ASIC2: variants seen among roughly 807,000 people sequenced by gnomAD.
The protein encoded by ASIC2 is acid sensing ion channel subunit 2.
Under a neutral mutation model 57.3 loss-of-function variants are expected in ASIC2, and 25 were observed. That is an observed-to-expected ratio of 0.44 (90% CI 0.32 to 0.61). ASIC2 has a LOEUF of 0.61. ASIC2 is among the 20% of genes least tolerant of loss of function. The pLI, the probability that ASIC2 is intolerant of heterozygous loss-of-function variation, is 0.06. For missense variants in ASIC2, 641 were observed against 738.1 expected (o/e 0.87, Z 1.52); for synonymous variants, 319 against 307.5 (o/e 1.04, Z -0.39).
intron 1 of ASIC2, among the ~76,000 whole-genome samples, chr17:33,626,140 G>C (rs1253342955): frequency 6.6e-6 from 1 of 152,146 alleles, no homozygotes; most frequent in African/African-American, 2.4e-5. Flanking sequence ...GCACTGGATG[G>C]TCACTTCTAG....
intron 1 of ASIC2, among the ~76,000 whole-genome samples, chr17:33,663,692 G>T (rs943371354): frequency 1.3e-5 from 2 of 152,156 alleles, no homozygotes; most frequent in Admixed American, 6.5e-5. Flanking sequence ...AGCAGTGGGG[G>T]TATGGGGACA....
rs1914165545 is a variant in ASIC2 at position 33,503,632 on chromosome 17, C to T, written c.556-391565G>A. ...TTACCTTCTCCCTCTCCTCCTCCTCCTCCAAATCAAAACCTCTTGGAGCTC... is the reference window on the plus strand; with the variant it reads ...TTACCTTCTCCCTCTCCTCCTCCTCTTCCAAATCAAAACCTCTTGGAGCTC... On this transcript the variant is annotated intron_variant, in intron 1 of 9. Transcript: ENST00000359872. Among the ~76,000 whole-genome samples the T allele has an allele frequency of 2.6e-5, 4 of 152,160 alleles. No individual in the cohort carries two copies. In the South Asian group the frequency reaches 8.3e-4, roughly 32 times the overall value.
intron 1 of ASIC2, among the ~76,000 whole-genome samples, chr17:33,810,828 C>G (rs1224268192): frequency 1.3e-5 from 2 of 151,944 alleles, no homozygotes; most frequent in East Asian, 3.9e-4. Context: ...CTTAATAGGT[C>G]CCATTCTGGA....
At chr17:33,661,973 T>C (rs1907283290) in intron 1 of ASIC2, among the ~76,000 whole-genome samples, 1 of 152,102 alleles carries the variant, frequency 6.6e-6, no homozygotes, top group South Asian at 2.1e-4. Flanking sequence ...CTACTTTCCT[T>C]CTCCCAGCAA....
chr17:33,297,195 G>T (rs1905752835), upstream of ASIC2, among the ~76,000 whole-genome samples: 1 of 152,210 alleles, frequency 6.6e-6, no homozygotes, highest in Non-Finnish European at 1.5e-5. Context: ...TCTTCTCCAG[G>T]CTAAATGTCA....
chr17:34,023,110 C>G (rs1274017813), intron 1 of ASIC2, among the ~76,000 whole-genome samples: 1 of 152,090 alleles, frequency 6.6e-6, no homozygotes, highest in Admixed American at 6.5e-5. Flanking sequence ...GTCAATTAAA[C>G]CTCTTTTCTT....
intron 1 of ASIC2, among the ~76,000 whole-genome samples, chr17:33,181,303 TATA>T (rs1468254971): frequency 1.3e-5 from 2 of 152,216 alleles, no homozygotes; most frequent in African/African-American, 2.4e-5. Context: ...CAAAAGTGTT[TATA>T]ATAATAAACA....
chr17:33,963,100 G>T (rs150432837), intron 1 of ASIC2, among the ~76,000 whole-genome samples: 2 of 152,306 alleles, frequency 1.3e-5, no homozygotes, highest in Non-Finnish European at 2.9e-5. Flanking sequence ...GAGATCTAGA[G>T]AGGTGTACAG....
At chr17:33,957,672 G>A (rs1463994039) in intron 1 of ASIC2, among the ~76,000 whole-genome samples, 4 of 152,106 alleles carry the variant, frequency 2.6e-5, no homozygotes, top group African/African-American at 9.7e-5. Flanking sequence ...CATGACACGT[G>A]GGGATTATGG....
intron 2 of ASIC2, among the ~76,000 whole-genome samples, chr17:33,102,715 G>A (rs1452100394): frequency 3.9e-5 from 6 of 152,014 alleles, no homozygotes; most frequent in East Asian, 1.9e-4. Flanking sequence ...GATGTTCTCA[G>A]TTCCAATCCT....
intron 1 of ASIC2, among the ~76,000 whole-genome samples, chr17:33,338,621 C>T (rs1174751595): frequency 6.6e-6 from 1 of 151,872 alleles, no homozygotes; most frequent in Non-Finnish European, 1.5e-5. Flanking sequence ...GATAGCAGGA[C>T]AAAAAAATTG....
chr17:33,414,787 G>A (rs143364686), intron 1 of ASIC2, among the ~76,000 whole-genome samples: 115 of 152,270 alleles, frequency 7.6e-4, no homozygotes, highest in African/African-American at 2.6e-3. Context: ...GCCCCACTCT[G>A]CTCTTCAAAA....
Position 33,464,562 on chromosome 17 carries a change from CT to C in ASIC2, c.556-352496del, listed in dbSNP as rs1567621242. 1.4e-3 allele frequency among the ~76,000 whole-genome samples: 135 copies of C among 95,648 alleles called. 2 individuals carry two copies. Among genetic ancestry groups the C allele is most frequent in the African/African-American group, 3.6e-3 (87 of 24,116 alleles). The allele number at this position is 95,648 out of a possible 152,430, so 62.7% of individuals were successfully genotyped here. Reference sequence around the variant, plus strand: ...TTTCTCTTTCTTTCTTTCTTTCTTTCTTTTCTCTCTTTCTCTCTTTATCTCT... The same window carrying C: ...TTTCTCTTTCTTTCTTTCTTTCTTTCTTTCTCTCTTTCTCTCTTTATCTCT... On this transcript the variant is annotated intron_variant, in intron 1 of 9. Coordinates refer to the ASIC2 transcript ENST00000359872.
At chr17:33,593,309 G>T (rs1003613243) in intron 1 of ASIC2, among the ~76,000 whole-genome samples, 19 of 152,212 alleles carry the variant, frequency 1.2e-4, no homozygotes, top group Admixed American at 1.0e-3. Context: ...TTTTTAGAGC[G>T]AGATGCCTGT....
At chr17:33,580,783 C>A (rs1189205494) in intron 1 of ASIC2, among the ~76,000 whole-genome samples, 2 of 152,108 alleles carry the variant, frequency 1.3e-5, no homozygotes, top group African/African-American at 4.8e-5. Context: ...GTAGCACCTC[C>A]CCAAGATATG....
At chr17:34,127,494 C>G (rs552893942) in intron 1 of ASIC2, among the ~76,000 whole-genome samples, 2 of 152,330 alleles carry the variant, frequency 1.3e-5, no homozygotes, top group East Asian at 3.9e-4. Context: ...GGATGCATCC[C>G]CTTTCTCTTC....
chr17:33,865,767 A>T (rs1416059388), intron 1 of ASIC2, among the ~76,000 whole-genome samples: 3 of 80,094 alleles, frequency 3.7e-5, no homozygotes, highest in Admixed American at 1.2e-4. Flanking sequence ...AATAAAAAAA[A>T]AAAACAAAAA....
chr17:33,664,320 C>A (rs1375829768), intron 1 of ASIC2, among the ~76,000 whole-genome samples: 3 of 152,218 alleles, frequency 2.0e-5, no homozygotes, highest in African/African-American at 7.2e-5. Context: ...AAGTGAAAGC[C>A]TTCTAGTCTG....
intron 1 of ASIC2, among the ~76,000 whole-genome samples, chr17:33,312,848 A>T (rs1229882896): frequency 2.0e-5 from 3 of 152,154 alleles, no homozygotes; most frequent in African/African-American, 7.2e-5. Context: ...AGGCAGGAGA[A>T]TCACTTGAAC....
Sources: allele counts gnomAD v4.1 joint callset (sites outside exome capture counted in the v4.1 genomes callset), GRCh38; gene constraint gnomAD v4.1.1; transcripts MANE v1.5; gene names NCBI Gene and HGNC (gene_info 2026-07-23, HGNC 2026-07-21).